Variants in GRID2 observed in about 807,000 individuals in gnomAD.
GRID2 encodes glutamate receptor ionotropic, delta-2.
A neutral mutation model predicts 114.8 loss-of-function variants in GRID2; 33 were observed. The ratio of observed to expected loss-of-function variants is 0.29; its 90% CI spans 0.22 to 0.38. The LOEUF (loss-of-function observed/expected upper bound fraction) is 0.38. Among genes scored for constraint, GRID2 ranks in the 10% least tolerant of loss-of-function variants. The pLI is 1.00. For synonymous variants in GRID2, 505 were observed against 449.9 expected (o/e 1.12, Z -1.55); for missense variants, 1,184 against 1,257.7 (o/e 0.94, Z 0.89).
chr4:93,232,686 A>G (rs1034329045), intron 7 of GRID2, among the ~76,000 whole-genome samples: 1 of 151,744 alleles, frequency 6.6e-6, no homozygotes, highest in Non-Finnish European at 1.5e-5. Context: ...TTTATGCAAT[A>G]TGTCAAATAT....
intron 1 of GRID2, among the ~76,000 whole-genome samples, chr4:92,484,395 T>C (rs1315849173): frequency 6.6e-6 from 1 of 152,126 alleles, no homozygotes; most frequent in East Asian, 1.9e-4. Context: ...CCAGCAGTAA[T>C]ATACTTTATT....
chr4:92,596,850 G>T (rs1289876754), intron 2 of GRID2, among the ~76,000 whole-genome samples: 3 of 151,958 alleles, frequency 2.0e-5, no homozygotes, highest in Non-Finnish European at 4.4e-5. Flanking sequence ...CCAAGATTGA[G>T]CCAGCTACAA....
intron 2 of GRID2, among the ~76,000 whole-genome samples, chr4:92,717,211 G>T (rs954407053): frequency 6.6e-6 from 1 of 152,056 alleles, no homozygotes; most frequent in Non-Finnish European, 1.5e-5. Context: ...AAAATCTTAC[G>T]TACTTTTCTG....
intron 1 of GRID2, among the ~76,000 whole-genome samples, chr4:92,412,498 A>G (rs1396195453): frequency 6.6e-6 from 1 of 152,010 alleles, no homozygotes; most frequent in African/African-American, 2.4e-5. Context: ...TTGATTTGTA[A>G]TTTTTATATT....
chr4:92,601,394 A>C (rs1729209075), intron 2 of GRID2, among the ~76,000 whole-genome samples: 1 of 152,198 alleles, frequency 6.6e-6, no homozygotes, highest in Non-Finnish European at 1.5e-5. Context: ...AAAACCATAC[A>C]ACTAAATGGA....
chr4:92,747,991 C>T (rs892120041), intron 2 of GRID2, among the ~76,000 whole-genome samples: 3 of 152,116 alleles, frequency 2.0e-5, no homozygotes, highest in South Asian at 4.1e-4. Flanking sequence ...TTTCCTTTCT[C>T]AGTAATGGGT....
chr4:92,477,391 C>G (rs889920686), intron 1 of GRID2, among the ~76,000 whole-genome samples: 7 of 151,978 alleles, frequency 4.6e-5, no homozygotes, highest in Non-Finnish European at 7.4e-5. Flanking sequence ...TTTATAGATA[C>G]AGTTTCCAGT....
At chr4:93,468,947 C>G (rs1370161142) in intron 11 of GRID2, among the ~76,000 whole-genome samples, 1 of 152,080 alleles carries the variant, frequency 6.6e-6, no homozygotes, top group African/African-American at 2.4e-5. Context: ...TAGATACATG[C>G]TGGTTGCAAA....
At chr4:92,599,292 G>A (rs938427800) in intron 2 of GRID2, among the ~76,000 whole-genome samples, 1 of 152,026 alleles carries the variant, frequency 6.6e-6, no homozygotes. Flanking sequence ...AAGTAAATAA[G>A]GCGCTGAGTC....
chr4:92,665,896 T>G (rs1256846202), intron 2 of GRID2, among the ~76,000 whole-genome samples: 8 of 151,458 alleles, frequency 5.3e-5, no homozygotes, highest in Non-Finnish European at 1.0e-4. Flanking sequence ...TGTCTCAGTG[T>G]GTGTATCTTT....
chr4:92,342,672 C>T (rs1727558671), intron 1 of GRID2, among the ~76,000 whole-genome samples: 1 of 152,126 alleles, frequency 6.6e-6, no homozygotes, highest in African/African-American at 2.4e-5. Flanking sequence ...TCTGCCTAAA[C>T]AATTTTGGTG....
chr4:93,345,280 A>G (rs1241569031), intron 8 of GRID2, among the ~76,000 whole-genome samples: 1 of 152,046 alleles, frequency 6.6e-6, no homozygotes, highest in Non-Finnish European at 1.5e-5. Context: ...CTAACAGTCT[A>G]TAAGCATTCC....
intron 2 of GRID2, among the ~76,000 whole-genome samples, chr4:92,992,972 C>T (rs1032784483): frequency 1.3e-5 from 2 of 151,954 alleles, no homozygotes; most frequent in African/African-American, 4.8e-5. Context: ...CTTTCCATTG[C>T]AGCTACTTTC....
intron 13 of GRID2, among the ~76,000 whole-genome samples, chr4:93,613,410 T>C (rs1009488869): frequency 1.6e-5 from 2 of 123,138 alleles, no homozygotes; most frequent in East Asian, 2.1e-4. Flanking sequence ...GTTTCCAGTT[T>C]TTCTGTTCTG....
intron 2 of GRID2, among the ~76,000 whole-genome samples, chr4:92,921,940 C>A (rs1039720733): frequency 6.6e-6 from 1 of 152,216 alleles, no homozygotes; most frequent in Non-Finnish European, 1.5e-5. Context: ...GCCCTGCCCC[C>A]AGAGGTGGAG....
chr4:92,524,407 C>CTTTTTTTTTTTTTT (rs869060153), intron 1 of GRID2, among the ~76,000 whole-genome samples: 21 of 106,550 alleles, frequency 2.0e-4, no homozygotes, highest in African/African-American at 3.6e-4. Flanking sequence ...ATTTCCTTGT[C>CTTTTTTTTTTTTTT]TTTTTTTTTT....
At chr4:93,602,542 A>T (rs941524269) in intron 13 of GRID2, among the ~76,000 whole-genome samples, 5 of 152,192 alleles carry the variant, frequency 3.3e-5, no homozygotes, top group African/African-American at 1.2e-4. Context: ...GTGATCTGTT[A>T]CCAGTGATAT....
At chr4:93,025,596 T>C (rs1050152764) in intron 2 of GRID2, among the ~76,000 whole-genome samples, 3 of 151,786 alleles carry the variant, frequency 2.0e-5, no homozygotes, top group Non-Finnish European at 3.0e-5. Flanking sequence ...AGTAGTCCAA[T>C]TTGTAACATT....
chr4:92,311,177 G>A (rs1725690928), intron 1 of GRID2, among the ~76,000 whole-genome samples: 1 of 152,006 alleles, frequency 6.6e-6, no homozygotes, highest in South Asian at 2.1e-4. Flanking sequence ...AACTATCATT[G>A]TGTATGTACA....
Sources: gnomAD v4.1 joint callset for allele counts (sites outside exome capture counted in the v4.1 genomes callset) on GRCh38, gnomAD v4.1.1 for gene constraint, MANE v1.5 for transcripts, NCBI Gene and HGNC (gene_info 2026-07-23, HGNC 2026-07-21) for gene names.